ZNF879: variants seen among roughly 807,000 people sequenced by gnomAD.
ZNF879 encodes zinc finger protein 879.
ZNF879 carries 32 observed loss-of-function variants against 44.3 expected under a neutral mutation model. The ratio of observed to expected loss-of-function variants is 0.72; its 90% CI spans 0.54 to 0.97. The LOEUF (loss-of-function observed/expected upper bound fraction) is 0.97, where lower values mean the gene tolerates loss of function less well. Among genes scored for constraint, ZNF879 ranks in the 50% least tolerant of loss-of-function variants. The pLI is 0.00. For synonymous variants in ZNF879, 234 were observed against 233.2 expected, an observed-to-expected ratio of 1.00 and a Z score of -0.03; for missense variants, 621 against 669.7, an observed-to-expected ratio of 0.93 and a Z score of 0.80.
intron 4 of ZNF879, among the ~76,000 whole-genome samples, chr5:179,028,587 A>G (rs903938989): frequency 6.6e-5 from 10 of 152,150 alleles, no homozygotes; most frequent in Non-Finnish European, 1.5e-4. Flanking sequence ...AAAAGCAGAT[A>G]TATGTGTATG....
intron 4 of ZNF879, among the ~76,000 whole-genome samples, chr5:179,030,306 T>C (rs1761386003): frequency 2.0e-5 from 3 of 152,180 alleles, no homozygotes; most frequent in Admixed American, 6.5e-5. Context: ...ATTCCAAGTG[T>C]AGAAATGTTA....
intron 4 of ZNF879, among the ~76,000 whole-genome samples, chr5:179,030,632 C>T (rs754646389): frequency 6.6e-6 from 1 of 152,182 alleles, no homozygotes; most frequent in African/African-American, 2.4e-5. Context: ...TGAGCTATGT[C>T]CCACATATGA....
rs763721076 is a variant in ZNF879 at position 179,033,154 on chromosome 5, C to T, written c.1206C>T (p.Cys402=). The T allele has an allele frequency of 1.3e-6, 2 of 1,589,754 alleles. No individual in the cohort carries two copies. Among genetic ancestry groups the T allele is most frequent in the Non-Finnish European group, 1.7e-6 (2 of 1,167,918 alleles). ...RIHTGEKPYA[C]KECGKAFSQS... is the part of the protein sequence containing the mutation. Reference sequence around the variant, plus strand: ...ACACTGGTGAGAAACCATATGCATGCAAAGAATGTGGGAAAGCCTTCAGCC... The same window carrying T: ...ACACTGGTGAGAAACCATATGCATGTAAAGAATGTGGGAAAGCCTTCAGCC... Residue 402 remains cysteine, a synonymous_variant, in exon 5 of 5, where the codon TGC becomes TGT. Transcript: ENST00000444149.
intron 2 of ZNF879, among the ~76,000 whole-genome samples, chr5:179,027,195 A>G (rs1200808135): frequency 6.6e-6 from 1 of 152,178 alleles, no homozygotes; most frequent in Non-Finnish European, 1.5e-5. Flanking sequence ...GGTTTGGTCT[A>G]GGTGATCGGA....
Position 179,032,737 on chromosome 5 carries a change from T to G in ZNF879, c.789T>G (p.Ser263Arg), listed in dbSNP as rs757161728. The change falls in exon 5 of 5, where the codon AGT (serine) becomes AGG (arginine). Residue 263 changes from serine (S) to arginine (R), a missense_variant. By Grantham distance (110) the Ser-to-Arg change is moderately radical. Transcript: ENST00000444149. ...VHTGEKPYICSECGKAFSFTT... is the reference protein window; with the variant it reads ...VHTGEKPYICRECGKAFSFTT... ...CAGGAGAGAAACCTTATATATGTAG[T>G]GAATGTGGAAAAGCCTTCAGTTTCA... 51 of 1,554,988 alleles carry G rather than the reference T, an allele frequency of 3.3e-5. No homozygotes were observed. Among genetic ancestry groups the G allele is most frequent in the Non-Finnish European group, 4.4e-5 (51 of 1,149,248 alleles).
rs1214752593 is a variant in ZNF879, at chr5:179,033,135, G to A, written c.1187G>A (p.Gly396Asp). 1.9e-6 allele frequency: 3 copies of A among 1,586,192 alleles called. No individual in the cohort carries two copies. Among genetic ancestry groups the A allele is most frequent in the African/African-American group, 2.7e-5 (2 of 73,840 alleles). Residue 396 changes from glycine (G) to aspartate (D), a missense_variant, in exon 5 of 5, where the codon GGT becomes GAT. Gly to Asp is a moderately conservative substitution (Grantham distance 94). Coordinates refer to ENST00000444149, the MANE Select transcript of ZNF879 (RefSeq NM_001136116.3). Reference protein sequence around the residue: ...ALIIHQRIHTGEKPYACKECG... With the variant: ...ALIIHQRIHTDEKPYACKECG... ...ATCATACATCAGAGAATTCACACTGGTGAGAAACCATATGCATGCAAAGAA... is the reference window on the plus strand; with the variant it reads ...ATCATACATCAGAGAATTCACACTGATGAGAAACCATATGCATGCAAAGAA...
At chr5:179,027,869 C>CT (rs1035118287) in intron 3 of ZNF879, among the ~76,000 whole-genome samples, 163 bp from the exon 4 acceptor site, 1 of 152,160 alleles carries the variant, frequency 6.6e-6, no homozygotes, top group Non-Finnish European at 1.5e-5. Flanking sequence ...AGAGCCCTGA[C>CT]TTTCTTCCTG....
At position 179,032,205 on chromosome 5, in the gene ZNF879, G is replaced by T; in HGVS notation, c.257G>T (p.Gly86Val). 1 of 1,502,952 alleles carries T rather than the reference G, an allele frequency of 6.7e-7. No individual in the cohort carries two copies. Among genetic ancestry groups the T allele is most frequent in the Non-Finnish European group, 8.8e-7 (1 of 1,130,164 alleles). The allele number at this position is 1,502,952 out of a possible 1,614,324, so 93.1% of individuals were successfully genotyped here. Residue 86 changes from glycine to valine, a missense_variant and splice_region_variant, in exon 5 of 5, where the codon GGA (glycine) becomes GTA (valine). Transcript: ENST00000444149. ...ESGVPQGAHL[G>V]WESLFGTIVS... is the part of the protein sequence containing the mutation. ...GACTTATATGTTTTGTCTACTTTAG[G>T]ATGGGAAAGCTTGTTTGGAACCATA...
chr5:179,033,578 G>C lies in ZNF879; in HGVS notation c.1630G>C (p.Glu544Gln). 3 of 1,548,322 alleles carry C rather than the reference G, an allele frequency of 1.9e-6. No homozygotes were observed. Among genetic ancestry groups the C allele is most frequent in the Non-Finnish European group, 1.7e-6 (2 of 1,146,326 alleles). ...HTGEKPYKCK[E>Q]CGKAFSQSSS... ...AGGGGAAAAACCTTATAAATGTAAA[G>C]AATGTGGGAAGGCTTTTAGTCAGAG... Residue 544 changes from glutamate to glutamine, a missense_variant, in exon 5 of 5, where the codon GAA becomes CAA. Glu to Gln is a conservative substitution (Grantham distance 29). Transcript: ENST00000444149.
chr5:179,024,724 G>T (rs1761211661), intron 1 of ZNF879: 1 of 464,892 alleles, frequency 2.2e-6, no homozygotes, highest in Admixed American at 3.3e-5. Context: ...CACGGCAGAT[G>T]GTCTTCATCC....
In ZNF879 at chr5:179,034,413, GT is replaced by G. The variant is rs1382070027; in HGVS notation, c.*775del. The G allele has an allele frequency of 6.6e-6, 1 of 152,218 alleles. No homozygotes were observed. The highest frequency in any genetic ancestry group is 1.9e-4 in the East Asian group (1 of 5,202). 9.4% of individuals were successfully genotyped at this position (152,218 alleles called of 1,614,324 possible). ...CTGCTTTTGCAATTTACTGAAAAAT[GT>G]TATAAATTATCTCAGAATGTAGCCA... On this transcript the variant is annotated 3_prime_UTR_variant, in exon 5 of 5. Transcript: ENST00000444149.
rs1761526023 is a variant in ZNF879, at chr5:179,034,399, A to G, written c.*759A>G. The G allele has an allele frequency of 6.6e-6, 1 of 152,244 alleles. No individual in the cohort carries two copies. Among genetic ancestry groups the G allele is most frequent in the East Asian group, 1.9e-4 (1 of 5,202 alleles). 9.4% of individuals were successfully genotyped at this position (152,244 alleles called of 1,614,324 possible). On this transcript the variant is annotated 3_prime_UTR_variant, in exon 5 of 5. Coordinates refer to ENST00000444149, the MANE Select transcript of ZNF879 (RefSeq NM_001136116.3). The stretch of plus-strand genomic sequence containing the variant: ...CATTCAGACAACCACTGCTTTTGCA[A>G]TTTACTGAAAAATGTTATAAATTAT...
chr5:179,029,889 A>G (rs1009764813), intron 4 of ZNF879, among the ~76,000 whole-genome samples: 1 of 152,212 alleles, frequency 6.6e-6, no homozygotes, highest in East Asian at 1.9e-4. Flanking sequence ...TGAGAGGACT[A>G]TATTGTATGT....
intron 4 of ZNF879, among the ~76,000 whole-genome samples, chr5:179,028,914 G>C (rs1293305220): frequency 6.6e-6 from 1 of 152,152 alleles, no homozygotes; most frequent in Non-Finnish European, 1.5e-5. Context: ...TTCTGGGCCA[G>C]TTCACTTTTG....
At chr5:179,028,851 TG>T (rs1455631455) in intron 4 of ZNF879, among the ~76,000 whole-genome samples, 1 of 152,044 alleles carries the variant, frequency 6.6e-6, no homozygotes, top group Non-Finnish European at 1.5e-5. Flanking sequence ...AGGCCTCTGT[TG>T]AGCTTTACCA....
chr5:179,024,485 T>A (rs1209489653), intron 1 of ZNF879: 1 of 152,420 alleles, frequency 6.6e-6, no homozygotes, highest in Non-Finnish European at 1.5e-5. Context: ...TGGGTAACGC[T>A]ACCTTTAAGC....
At chr5:179,027,950 A>G (rs1761314563) in intron 3 of ZNF879, 82 bp from the exon 4 acceptor site, 1 of 1,207,506 alleles carries the variant, frequency 8.3e-7, no homozygotes, top group South Asian at 1.3e-5. Context: ...CCTTCCCTGT[A>G]CTGCCCCTCT....
intron 2 of ZNF879, among the ~76,000 whole-genome samples, 173 bp downstream of exon 2, chr5:179,025,210 C>G (rs1190471780): frequency 7.0e-6 from 1 of 143,416 alleles, no homozygotes; most frequent in East Asian, 2.0e-4. Flanking sequence ...CTGTCTCATG[C>G]TTTTTTTTTT....
chr5:179,032,314 A>T lies in ZNF879; in HGVS notation c.366A>T (p.Ile122=), dbSNP rs1761439331. ...TFDFKLEKTY[I]NEDKLEKQQG... ...ACTTCAAGTTGGAGAAGACCTACATAAATGAAGATAAGTTAGAGAAGCAAC... is the reference window on the plus strand; with the variant it reads ...ACTTCAAGTTGGAGAAGACCTACATTAATGAAGATAAGTTAGAGAAGCAAC... The change falls in exon 5 of 5, where the codon ATA becomes ATT. Residue 122 remains isoleucine (I), a synonymous_variant. Transcript: ENST00000444149. 6.4e-7 allele frequency: 1 copy of T among 1,550,836 alleles called. No homozygotes were observed.
Sources: gnomAD v4.1 joint callset for allele counts (sites outside exome capture counted in the v4.1 genomes callset) on GRCh38, gnomAD v4.1.1 for gene constraint, MANE v1.5 for transcripts, NCBI Gene and HGNC (gene_info 2026-07-23, HGNC 2026-07-21) for gene names.